OSM: variants seen among roughly 807,000 people sequenced by gnomAD.
The protein encoded by OSM is oncostatin-M.
In OSM, 1 loss-of-function variant was observed where a neutral mutation model predicts 6.3. That is an observed-to-expected ratio of 0.16 (90% CI 0.06 to 0.76). The LOEUF (loss-of-function observed/expected upper bound fraction) is 0.76, where lower values mean the gene tolerates loss of function less well. Among genes scored for constraint, OSM ranks in the 30% least tolerant of loss-of-function variants. OSM has a pLI of 0.77. For synonymous variants in OSM, 135 were observed against 143.4 expected, an observed-to-expected ratio of 0.94 and a Z score of 0.42; for missense variants, 324 against 336.9, an observed-to-expected ratio of 0.96 and a Z score of 0.30.
chr22:30,265,105 A>G lies in OSM; in HGVS notation c.74T>C (p.Met25Thr), dbSNP rs200307047. The change falls in exon 2 of 3, where the codon ATG (methionine) becomes ACG (threonine). Residue 25 changes from methionine to threonine, a missense_variant. By Grantham distance (81) the Met-to-Thr change is moderately conservative (BLOSUM62 -1). Transcript: ENST00000215781. Reference protein sequence around the residue: ...LALLFPSMASMAAIGSCSKEY... With the variant: ...LALLFPSMASTAAIGSCSKEY... Reference sequence around the variant, plus strand: ...TTTCGAGCAGCTGCCTATAGCCGCCATGCTCGCCATGCTTGGAAACAGGAG... The same window carrying G: ...TTTCGAGCAGCTGCCTATAGCCGCCGTGCTCGCCATGCTTGGAAACAGGAG... 43 of 1,614,024 alleles carry G rather than the reference A, an allele frequency of 2.7e-5. 1 individual carries two copies. The East Asian group carries it at 3.1e-4, about 12-fold the overall frequency.
At position 30,265,208 on chromosome 22, in the gene OSM, G is replaced by A. The variant is rs1371726488; in HGVS notation, c.35-64C>T. 1.9e-6 allele frequency: 3 copies of A among 1,570,792 alleles called. No individual in the cohort carries two copies. In the African/African-American group the frequency reaches 4.1e-5, roughly 21 times the overall value. On this transcript the variant is annotated intron_variant, in intron 1 of 2. Coordinates refer to ENST00000215781, the MANE Select transcript of OSM (RefSeq NM_020530.6). ...GAAAGCCACAGATGGGAGCCTCGGGGAGGGGGTTCAAGAGGGCCTTGAAAG... is the reference window on the plus strand; with the variant it reads ...GAAAGCCACAGATGGGAGCCTCGGGAAGGGGGTTCAAGAGGGCCTTGAAAG...
chr22:30,264,901 G>A (rs1367574438), intron 2 of OSM, 101 bp downstream of exon 2: 2 of 1,378,708 alleles, frequency 1.5e-6, no homozygotes, highest in Non-Finnish European at 2.0e-6. Context: ...CCCCGACCTG[G>A]CCATATGGAG....
At chr22:30,265,251 G>A in intron 1 of OSM, 107 bp from the exon 2 acceptor site, 1 of 1,522,566 alleles carries the variant, frequency 6.6e-7, no homozygotes, top group African/African-American at 1.4e-5. Context: ...CTTCATCCCA[G>A]ACTTTGTGTA....
rs937411806 is a variant in OSM, at chr22:30,266,370, GCTGA to G, written c.34+392_34+395del. Among the ~76,000 whole-genome samples, 2 of 152,074 alleles carry G rather than the reference GCTGA, an allele frequency of 1.3e-5. No homozygotes were observed. The highest frequency in any genetic ancestry group is 2.9e-5 in the Non-Finnish European group (2 of 67,996). The stretch of plus-strand genomic sequence containing the variant: ...GTGGGCCCTGGGGCCCCCAGGCCTG[GCTGA>G]CTTTCTATTCATCCCGGGCAAGCTG... On this transcript the variant is annotated intron_variant, in intron 1 of 2. Transcript: ENST00000215781. The surrounding 1 kb of genome is among the most constrained non-coding windows in gnomAD (Gnocchi z 5.0).
intron 2 of OSM, among the ~76,000 whole-genome samples, 190 bp downstream of exon 2, chr22:30,264,812 G>A (rs145160722): frequency 3.8e-4 from 58 of 152,312 alleles, no homozygotes; most frequent in East Asian, 1.9e-3. Flanking sequence ...GTCCCGCCCC[G>A]GGACCACAGA....
In OSM at chr22:30,264,998, T is replaced by C; in HGVS notation, c.177+4A>G. The stretch of plus-strand genomic sequence containing the variant: ...TCAGATGCCACAAGGGCCCAGGTGC[T>C]TACATAGGGGTCCAGGAGTCTGCTG... On this transcript the variant is annotated splice_donor_region_variant and intron_variant, in intron 2 of 2. Coordinates refer to ENST00000215781, the MANE Select transcript of OSM (RefSeq NM_020530.6). 6.2e-7 allele frequency: 1 copy of C among 1,613,580 alleles called. No homozygotes were observed. The highest frequency in any genetic ancestry group is 8.5e-7 in the Non-Finnish European group (1 of 1,179,608).
In OSM at chr22:30,266,061, C is replaced by T. The variant is rs893168659; in HGVS notation, c.34+705G>A. Reference sequence around the variant, plus strand: ...TGGGGAGGGCCAAGGGGCCAGGCACCCAGGCTTAGCGACCCCACGGCACCC... The same window carrying T: ...TGGGGAGGGCCAAGGGGCCAGGCACTCAGGCTTAGCGACCCCACGGCACCC... On this transcript the variant is annotated intron_variant, in intron 1 of 2. Transcript: ENST00000215781. This position sits in a 1 kb window ranked among gnomAD's most constrained non-coding sequence, Gnocchi z 5.0. Among the ~76,000 whole-genome samples the T allele has an allele frequency of 3.9e-5, 6 of 152,252 alleles. No individual in the cohort carries two copies. Among genetic ancestry groups the T allele is most frequent in the Admixed American group, 3.9e-4 (6 of 15,290 alleles).
rs761956425 is a variant in OSM at position 30,266,725 on chromosome 22, C to G, written c.34+41G>C. 2.5e-6 allele frequency: 4 copies of G among 1,611,422 alleles called. No individual in the cohort carries two copies. The South Asian group carries it at 4.4e-5, about 18-fold the overall frequency. Reference sequence around the variant, plus strand: ...CTCCCCACCGGCACCCGTGGGCAGACCCAGCAGGCGGGTTCTGGCGGGGAG... The same window carrying G: ...CTCCCCACCGGCACCCGTGGGCAGAGCCAGCAGGCGGGTTCTGGCGGGGAG... On this transcript the variant is annotated intron_variant, in intron 1 of 2. Transcript: ENST00000215781. The surrounding 1 kb of genome is among the most constrained non-coding windows in gnomAD (Gnocchi z 5.0).
intron 2 of OSM, 126 bp from the exon 3 acceptor site, chr22:30,264,590 C>T: frequency 2.4e-6 from 2 of 834,282 alleles, no homozygotes; most frequent in South Asian, 1.8e-5. Context: ...GATCCGGAAA[C>T]TGAGGCCCGA....
intron 2 of OSM, 47 bp downstream of exon 2, chr22:30,264,955 C>A (rs201907529): frequency 1.2e-6 from 2 of 1,602,024 alleles, no homozygotes; most frequent in Non-Finnish European, 8.5e-7. Flanking sequence ...CCTTCCTAAC[C>A]CCATAGTTCT....
In OSM at chr22:30,264,402, G is replaced by A. The variant is rs772549840; in HGVS notation, c.240C>T (p.Ala80=). ...LREHCRERPG[A]FPSEETLRGL... ...CCCTCAGGGTCTCCTCACTGGGGAA[G>A]GCCCCGGGGCGCTCCCTGCAGTGCT... The change falls in exon 3 of 3, where the codon GCC becomes GCT. Residue 80 remains alanine, a synonymous_variant. Coordinates refer to ENST00000215781, the MANE Select transcript of OSM (RefSeq NM_020530.6). The A allele has an allele frequency of 6.2e-7, 1 of 1,613,882 alleles. No individual in the cohort carries two copies. Among genetic ancestry groups the A allele is most frequent in the Non-Finnish European group, 8.5e-7 (1 of 1,179,968 alleles).
At chr22:30,264,895 G>A (rs1445937138) in intron 2 of OSM, 107 bp downstream of exon 2, 16 of 1,343,926 alleles carry the variant, frequency 1.2e-5, no homozygotes, top group African/African-American at 1.5e-5. Context: ...TCAGTTCCCC[G>A]ACCTGGCCAT....
chr22:30,264,675 A>G (rs1436693043), intron 2 of OSM, among the ~76,000 whole-genome samples: 1 of 152,100 alleles, frequency 6.6e-6, no homozygotes, highest in Non-Finnish European at 1.5e-5. Flanking sequence ...GCCCGTGGGG[A>G]ATGAAGAGCT....
intron 1 of OSM, chr22:30,265,443 G>A (rs993968044): frequency 1.4e-5 from 16 of 1,179,662 alleles, no homozygotes; most frequent in South Asian, 6.9e-5. Context: ...GTGCCTGGCC[G>A]GATCCCAGTC....
At position 30,266,813 on chromosome 22, in the gene OSM, G is replaced by A. The variant is rs1470651307; in HGVS notation, c.-14C>T. On this transcript the variant is annotated 5_prime_UTR_variant, in exon 1 of 3. Transcript: ENST00000215781. The surrounding 1 kb of genome is among the most constrained non-coding windows in gnomAD (Gnocchi z 5.0). Reference sequence around the variant, plus strand: ...CAGTACCCCCATGCTGGGTGCCCGTGCTCCGGCCCGCGCCCGCTGGGGGTG... The same window carrying A: ...CAGTACCCCCATGCTGGGTGCCCGTACTCCGGCCCGCGCCCGCTGGGGGTG... The A allele has an allele frequency of 6.2e-7, 1 of 1,610,844 alleles. No homozygotes were observed. The highest frequency in any genetic ancestry group is 1.1e-5 in the South Asian group (1 of 90,930).
In OSM at chr22:30,264,251, C is replaced by G. The variant is rs141964219; in HGVS notation, c.391G>C (p.Glu131Gln). 5.0e-6 allele frequency: 8 copies of G among 1,613,994 alleles called. No individual in the cohort carries two copies. The highest frequency in any genetic ancestry group is 1.6e-4 in the Middle Eastern group (1 of 6,084). ...GCCATCTGCAGCTTCTCCAAGTCCT[C>G]GATGTTCAGCCCAGACCTCTCCAAA... ...QDLERSGLNI[E>Q]DLEKLQMARP... is the part of the protein sequence containing the mutation. Residue 131 changes from glutamate to glutamine, a missense_variant, in exon 3 of 3, where the codon GAG becomes CAG. Physicochemically the swap from Glu to Gln is conservative, Grantham distance 29. Transcript: ENST00000215781.
rs1555969222 is a variant in OSM, at chr22:30,264,001, T to C, written c.641A>G (p.Glu214Gly). ...GTGTCTCCGGCTCCGGTTCGGGCTCTCCCCCCACTTGCTGAAGACCCGCCC... is the reference window on the plus strand; with the variant it reads ...GTGTCTCCGGCTCCGGTTCGGGCTCCCCCCCCACTTGCTGAAGACCCGCCC... ...SVGRVFSKWG[E>G]SPNRSRRHSP... Residue 214 changes from glutamate (E) to glycine (G), a missense_variant, in exon 3 of 3, where the codon GAG becomes GGG. Glu to Gly is a moderately conservative substitution (Grantham distance 98). Transcript: ENST00000215781. The C allele has an allele frequency of 6.4e-7, 1 of 1,556,102 alleles. No homozygotes were observed. The highest frequency in any genetic ancestry group is 8.7e-7 in the Non-Finnish European group (1 of 1,149,700).
chr22:30,264,292 A>G lies in OSM; in HGVS notation c.350T>C (p.Leu117Pro). 1.2e-6 allele frequency: 2 copies of G among 1,614,004 alleles called. No individual in the cohort carries two copies. The highest frequency in any genetic ancestry group is 1.7e-6 in the Non-Finnish European group (2 of 1,180,014). Residue 117 changes from leucine to proline, a missense_variant, in exon 3 of 3, where the codon CTC becomes CCC. Transcript: ENST00000215781. The stretch of plus-strand genomic sequence containing the variant: ...CCTCTCCAAATCCTGGGCCTTGGGG[A>G]GGCGCTGCTCTAAGTCGGCCAGTCT... ...LHRLADLEQR[L>P]PKAQDLERSG...
rs115512471 is a variant in OSM at position 30,264,096 on chromosome 22, C to G, written c.546G>C (p.Ser182=). The part of the protein sequence containing the change: ...ASQPPTPTPA[S]DAFQRKLEGC... ...CCTCCAGCTTGCGCTGAAAAGCATC[C>G]GAGGCAGGGGTGGGGGTGGGCGGCT... The change falls in exon 3 of 3, where the codon TCG becomes TCC. Residue 182 remains serine, a synonymous_variant. Transcript: ENST00000215781. 3 of 1,608,100 alleles carry G rather than the reference C, an allele frequency of 1.9e-6. No homozygotes were observed. Among genetic ancestry groups the G allele is most frequent in the Middle Eastern group, 1.7e-4 (1 of 6,044 alleles).
Sources: gnomAD v4.1 joint callset for allele counts (sites outside exome capture counted in the v4.1 genomes callset) on GRCh38, gnomAD v4.1.1 for gene constraint, Gnocchi (gnomAD v3.1) non-coding constraint, MANE v1.5 for transcripts, NCBI Gene and HGNC (gene_info 2026-07-23, HGNC 2026-07-21) for gene names.